Variants in CHSY1 observed in about 807,000 individuals in gnomAD.
The protein encoded by CHSY1 is N-acetylgalactosaminyl-proteoglycan 3-beta-glucuronosyltransferase 1.
A neutral mutation model predicts 59.8 loss-of-function variants in CHSY1; 13 were observed. The observed-to-expected ratio is 0.22, with a 90% CI of 0.14 to 0.35. CHSY1 has a LOEUF of 0.35. CHSY1 is among the 10% of genes least tolerant of loss of function. The pLI, the probability that CHSY1 is intolerant of heterozygous loss-of-function variation, is 1.00. For synonymous variants in CHSY1, 459 were observed against 401.2 expected, an observed-to-expected ratio of 1.14 and a Z score of -1.72; for missense variants, 947 against 1,030.6, an observed-to-expected ratio of 0.92 and a Z score of 1.11.
At chr15:101,204,111 A>G (rs1474672835) in intron 2 of CHSY1, among the ~76,000 whole-genome samples, 1 of 152,194 alleles carries the variant, frequency 6.6e-6, no homozygotes, top group African/African-American at 2.4e-5. Flanking sequence ...AAAGAGCATT[A>G]TATCTGCAAC....
At position 101,205,972 on chromosome 15, in the gene CHSY1, G is replaced by A. The variant is rs148025451; in HGVS notation, c.817-26992C>T. ...GTCTCAAAAAAAAAAAAAGAAGATT[G>A]TTTATTAATTTGCTCTACCCCATGA... is the stretch of plus-strand genomic sequence containing the variant. On this transcript the variant is annotated intron_variant, in intron 2 of 2. Coordinates refer to ENST00000254190, the MANE Select transcript of CHSY1 (RefSeq NM_014918.5). Among the ~76,000 whole-genome samples, 147 of 152,064 alleles carry A rather than the reference G, an allele frequency of 9.7e-4. 2 individuals are homozygous for A. In the East Asian group the frequency reaches 0.026, roughly 27 times the overall value.
chr15:101,248,810 G>A (rs1034791676), intron 1 of CHSY1, among the ~76,000 whole-genome samples: 1 of 151,932 alleles, frequency 6.6e-6, no homozygotes, highest in African/African-American at 2.4e-5. Context: ...TTTTTGAGAC[G>A]GAGTCTTGCT....
At chr15:101,241,333 C>T (rs111564179) in intron 1 of CHSY1, among the ~76,000 whole-genome samples, 2,126 of 152,358 alleles carry the variant, frequency 0.014, 43 homozygotes, top group African/African-American at 0.045. Flanking sequence ...TTGTGATCCG[C>T]CCACCTCGGC....
Position 101,251,326 on chromosome 15 carries a change from C to A in CHSY1, c.131G>T (p.Ser44Ile). Residue 44 changes from serine (S) to isoleucine (I), a missense_variant, in exon 1 of 3, where the codon AGC (serine) becomes ATC (isoleucine). Around this residue, in one of 4 missense-constraint regions of CHSY1, gnomAD observed 232 missense variants for 188.5 expected, o/e 1.23. Coordinates refer to ENST00000254190, the MANE Select transcript of CHSY1 (RefSeq NM_014918.5). ...LKRAGPRRRASPEGCRSGQAA... is the reference protein window; with the variant it reads ...LKRAGPRRRAIPEGCRSGQAA... ...CTGCCCGGACCGGCAGCCCTCGGGGCTGGCGCGGCGCCGTGGGCCCGCTCG... is the reference window on the plus strand; with the variant it reads ...CTGCCCGGACCGGCAGCCCTCGGGGATGGCGCGGCGCCGTGGGCCCGCTCG... 2.7e-6 allele frequency: 3 copies of A among 1,126,378 alleles called. No individual in the cohort carries two copies. Among genetic ancestry groups the A allele is most frequent in the Non-Finnish European group, 3.3e-6 (3 of 912,412 alleles). 69.8% of individuals were successfully genotyped at this position (1,126,378 alleles called of 1,614,324 possible). A position where few individuals can be genotyped will look rare whatever the true frequency, so the allele number is the denominator to read the frequency against.
rs148193087 is a variant in CHSY1 at position 101,178,472 on chromosome 15, A to G, written c.1325T>C (p.Met442Thr). Residue 442 changes from methionine (M) to threonine (T), a missense_variant, in exon 3 of 3, where the codon ATG becomes ACG. This residue lies in a region of CHSY1 where 602 missense variants were observed against 676.9 expected (regional missense o/e 0.89). Transcript: ENST00000254190. ...IQYGYRRVNPMYGAEYILDLL... is the reference protein window; with the variant it reads ...IQYGYRRVNPTYGAEYILDLL... ...GTCCAGGATGTACTCAGCCCCATAC[A>G]TGGGGTTCACCCGGCGGTAGCCGTA... The G allele has an allele frequency of 5.8e-3, 9,333 of 1,614,166 alleles. 42 individuals carry two copies. The highest frequency in any genetic ancestry group is 7.4e-3 in the Non-Finnish European group (8,705 of 1,180,032).
intron 2 of CHSY1, among the ~76,000 whole-genome samples, chr15:101,210,845 G>C (rs994557815): frequency 6.6e-6 from 1 of 152,134 alleles, no homozygotes; most frequent in African/African-American, 2.4e-5. Context: ...TTAAGACCAA[G>C]TGACTGAAAA....
chr15:101,178,130 T>C lies in CHSY1; in HGVS notation c.1667A>G (p.Lys556Arg), dbSNP rs1224125373. The change falls in exon 3 of 3, where the codon AAG becomes AGG. Residue 556 changes from lysine to arginine, a missense_variant. Lys to Arg is a conservative substitution (Grantham distance 26, BLOSUM62 2). Transcript: ENST00000254190. ...GTTCTGATTGGGGATAAGACACGTCTTCTCAAAGTTTCCCATAAATCTCAC... is the reference window on the plus strand; with the variant it reads ...GTTCTGATTGGGGATAAGACACGTCCTCTCAAAGTTTCCCATAAATCTCAC... Reference protein sequence around the residue: ...MFVRFMGNFEKTCLIPNQNVK... With the variant: ...MFVRFMGNFERTCLIPNQNVK... The C allele has an allele frequency of 6.2e-7, 1 of 1,614,198 alleles. No homozygotes were observed. The highest frequency in any genetic ancestry group is 1.7e-5 in the Admixed American group (1 of 60,032).
rs558201715 is a variant in CHSY1, at chr15:101,177,788, C to A, written c.2009G>T (p.Ser670Ile). The A allele has an allele frequency of 6.2e-7, 1 of 1,614,184 alleles. No individual in the cohort carries two copies. Among genetic ancestry groups the A allele is most frequent in the East Asian group, 2.2e-5 (1 of 44,894 alleles). The change falls in exon 3 of 3, where the codon AGT becomes ATT. Residue 670 changes from serine to isoleucine, a missense_variant. This residue lies in a region of CHSY1 where 602 missense variants were observed against 676.9 expected (regional missense o/e 0.89). Transcript: ENST00000254190. ...ATGGTTGTCACTGGGAACTTTCCCA[C>A]TATAAACAATCTTTGGGTCATACTG... ...FSQYDPKIVYSGKVPSDNHFA... is the reference protein window; with the variant it reads ...FSQYDPKIVYIGKVPSDNHFA...
In CHSY1 at chr15:101,235,079, T is replaced by C; in HGVS notation, c.816+3A>G. 2 of 1,613,498 alleles carry C rather than the reference T, an allele frequency of 1.2e-6. No homozygotes were observed. Among genetic ancestry groups the C allele is most frequent in the Non-Finnish European group, 1.7e-6 (2 of 1,180,030 alleles). ...TTCCCATGGTAAAGAATTCTGTTCT[T>C]ACCTCATAAGACCAGACACACTGCA... On this transcript the variant is annotated splice_donor_region_variant and intron_variant, in intron 2 of 2. Transcript: ENST00000254190.
intron 2 of CHSY1, among the ~76,000 whole-genome samples, chr15:101,187,108 A>G (rs1314600732): frequency 6.6e-6 from 1 of 152,216 alleles, no homozygotes; most frequent in Non-Finnish European, 1.5e-5. Context: ...ACTCCTCTAT[A>G]AAATTAGTTA....
chr15:101,238,452 G>A lies in CHSY1; in HGVS notation c.321-2875C>T, dbSNP rs189446114. Reference sequence around the variant, plus strand: ...AAAATTCAATGGAATTCGACTTTCTGCCAACACGCCTCTCAAAAAGTGCAA... The same window carrying A: ...AAAATTCAATGGAATTCGACTTTCTACCAACACGCCTCTCAAAAAGTGCAA... On this transcript the variant is annotated intron_variant, in intron 1 of 2. Coordinates refer to ENST00000254190, the MANE Select transcript of CHSY1 (RefSeq NM_014918.5). 7.2e-5 allele frequency among the ~76,000 whole-genome samples: 11 copies of A among 152,278 alleles called. 1 individual carries two copies. In the East Asian group the frequency reaches 2.1e-3, roughly 29 times the overall value.
intron 2 of CHSY1, among the ~76,000 whole-genome samples, chr15:101,210,294 G>A (rs2038671053): frequency 6.6e-6 from 1 of 152,136 alleles, no homozygotes. Context: ...CAGAAAAAGA[G>A]GCTGAAGGCA....
intron 2 of CHSY1, among the ~76,000 whole-genome samples, chr15:101,218,270 T>C (rs947582587): frequency 2.6e-5 from 4 of 152,222 alleles, no homozygotes; most frequent in East Asian, 3.8e-4. Context: ...AAATAAAGTA[T>C]AGATTTTTAT....
chr15:101,190,670 A>C (rs1365502370), intron 2 of CHSY1, among the ~76,000 whole-genome samples: 1 of 152,262 alleles, frequency 6.6e-6, no homozygotes, highest in Middle Eastern at 3.2e-3. Context: ...AGAATAAGAC[A>C]AGTCACAGAC....
intron 2 of CHSY1, among the ~76,000 whole-genome samples, chr15:101,227,485 C>CA (rs1318048995): frequency 6.6e-6 from 1 of 151,668 alleles, no homozygotes; most frequent in Non-Finnish European, 1.5e-5. Flanking sequence ...AACAAACAAA[C>CA]AAAAAAACAG....
intron 2 of CHSY1, among the ~76,000 whole-genome samples, chr15:101,192,196 C>A (rs1471274536): frequency 6.6e-6 from 1 of 152,204 alleles, no homozygotes; most frequent in Non-Finnish European, 1.5e-5. Flanking sequence ...GTGCCAAGCA[C>A]TGAGTAATTG....
chr15:101,210,029 C>T (rs1055886949), intron 2 of CHSY1, among the ~76,000 whole-genome samples: 4 of 152,234 alleles, frequency 2.6e-5, no homozygotes, highest in East Asian at 1.9e-4. Context: ...ACTCTTAGTC[C>T]GTTATTTCTC....
At chr15:101,189,629 C>G (rs1458461512) in intron 2 of CHSY1, 1 of 202,558 alleles carries the variant, frequency 4.9e-6, no homozygotes, top group African/African-American at 2.4e-5. Context: ...AAAAGAAATA[C>G]AAGCCAAAGT....
chr15:101,229,406 G>C lies in CHSY1; in HGVS notation c.816+5676C>G, dbSNP rs1416130665. On this transcript the variant is annotated intron_variant, in intron 2 of 2. Transcript: ENST00000254190. ...ATGCAAATGGTAACCAAGAGAGCTG[G>C]AGTCATCATACTAATATCAGACAAA... Among the ~76,000 whole-genome samples the C allele has an allele frequency of 3.3e-5, 5 of 152,214 alleles. No individual in the cohort carries two copies. The South Asian group carries it at 1.0e-3, about 32-fold the overall frequency.
Sources: gnomAD v4.1 joint callset for allele counts (sites outside exome capture counted in the v4.1 genomes callset) on GRCh38, gnomAD v4.1.1 for gene constraint, gnomAD v4.1.1 regional missense constraint, MANE v1.5 for transcripts, NCBI Gene and HGNC (gene_info 2026-07-23, HGNC 2026-07-21) for gene names.